Variants in SLC39A11 observed in about 807,000 individuals in gnomAD.
SLC39A11 encodes the protein solute carrier family 39 member 11.
A neutral mutation model predicts 36.1 loss-of-function variants in SLC39A11; 33 were observed. The observed-to-expected ratio is 0.91, with a 90% CI of 0.69 to 1.22. The LOEUF (loss-of-function observed/expected upper bound fraction) is 1.22. SLC39A11 is among the 50% of genes most tolerant of loss of function. The probability of loss-of-function intolerance (pLI) is 0.00; values close to 1 mark genes in which losing one functional copy is unlikely to be tolerated. For missense variants in SLC39A11, 432 were observed against 430.3 expected (o/e 1.00, Z -0.03); for synonymous variants, 166 against 170.3 (o/e 0.97, Z 0.20).
At chr17:72,665,577 G>A (rs1290934924) in intron 7 of SLC39A11, among the ~76,000 whole-genome samples, 2 of 151,438 alleles carry the variant, frequency 1.3e-5, no homozygotes, top group Non-Finnish European at 2.9e-5. Flanking sequence ...TATAGAGATG[G>A]GGGTCTCACT....
chr17:72,923,626 C>T (rs1350501028), intron 5 of SLC39A11, among the ~76,000 whole-genome samples: 2 of 152,110 alleles, frequency 1.3e-5, no homozygotes, highest in African/African-American at 4.8e-5. Context: ...GCAGGAGTTG[C>T]AATGAACGAA....
rs557269105 is a variant in SLC39A11, at chr17:72,983,253, G to A, written c.307-35378C>T. On this transcript the variant is annotated intron_variant, in intron 4 of 9. Transcript: ENST00000255559. Reference sequence around the variant, plus strand: ...CAGCCTCCACCTCCCAGGTTCAAGCGATTCTCCTGTCTCAGCCTCCTGAGG... The same window carrying A: ...CAGCCTCCACCTCCCAGGTTCAAGCAATTCTCCTGTCTCAGCCTCCTGAGG... Among the ~76,000 whole-genome samples the A allele has an allele frequency of 7.2e-5, 11 of 152,074 alleles. No homozygotes were observed. In the South Asian group the frequency reaches 8.3e-4, roughly 12 times the overall value.
intron 5 of SLC39A11, among the ~76,000 whole-genome samples, chr17:72,896,914 G>A (rs1290519953): frequency 1.3e-5 from 2 of 151,678 alleles, no homozygotes; most frequent in Admixed American, 6.6e-5. Flanking sequence ...TTAGCTGGGC[G>A]TGGTGGCGGG....
At chr17:72,877,043 G>A (rs1271584521) in intron 5 of SLC39A11, among the ~76,000 whole-genome samples, 1 of 152,162 alleles carries the variant, frequency 6.6e-6, no homozygotes, top group African/African-American at 2.4e-5. Flanking sequence ...AATGCATAAT[G>A]TAGGTTAGTG....
In SLC39A11 at chr17:72,982,812, CAAATG is replaced by C. The variant is rs1329329766; in HGVS notation, c.307-34942_307-34938del. The stretch of plus-strand genomic sequence containing the variant: ...AAAATTACATAACATTTGATGAAAT[CAAATG>C]ATGGCAGCAAGTGCAGCTAAAATAA... On this transcript the variant is annotated intron_variant, in intron 4 of 9. Transcript: ENST00000255559. 6.8e-4 allele frequency among the ~76,000 whole-genome samples: 103 copies of C among 151,892 alleles called. 1 individual carries two copies. The highest frequency in any genetic ancestry group is 6.6e-3 in the Admixed American group (100 of 15,252).
At chr17:72,911,575 C>G (rs2083001664) in intron 5 of SLC39A11, among the ~76,000 whole-genome samples, 1 of 152,072 alleles carries the variant, frequency 6.6e-6, no homozygotes, top group African/African-American at 2.4e-5. Context: ...TTCCGCTCGC[C>G]CAGGCAATCT....
chr17:72,679,641 G>A (rs1047077158), intron 7 of SLC39A11, among the ~76,000 whole-genome samples: 2 of 152,230 alleles, frequency 1.3e-5, no homozygotes, highest in African/African-American at 4.8e-5. Context: ...GCCAACGTGT[G>A]TAGAGACATG....
At chr17:73,069,165 C>G (rs1039180015) in intron 3 of SLC39A11, among the ~76,000 whole-genome samples, 2 of 152,180 alleles carry the variant, frequency 1.3e-5, no homozygotes, top group Non-Finnish European at 2.9e-5. Context: ...CAAAACTCAA[C>G]CTATCCCTCC....
At chr17:72,672,459 A>T (rs997441522) in intron 7 of SLC39A11, among the ~76,000 whole-genome samples, 1 of 152,190 alleles carries the variant, frequency 6.6e-6, no homozygotes, top group Non-Finnish European at 1.5e-5. Context: ...AAAAATAAAA[A>T]CATAAAAAAC....
chr17:72,905,830 T>C (rs1190366646), intron 5 of SLC39A11, among the ~76,000 whole-genome samples: 1 of 151,922 alleles, frequency 6.6e-6, no homozygotes, highest in African/African-American at 2.4e-5. Context: ...CTCAGCTCAC[T>C]GCAAGCTCCG....
intron 5 of SLC39A11, among the ~76,000 whole-genome samples, chr17:72,910,258 T>A (rs1180111781): frequency 6.6e-6 from 1 of 152,162 alleles, no homozygotes; most frequent in Non-Finnish European, 1.5e-5. Context: ...GAGTATCACA[T>A]GATATACTCA....
intron 6 of SLC39A11, among the ~76,000 whole-genome samples, chr17:72,835,334 C>G (rs985895993): frequency 1.3e-5 from 2 of 152,166 alleles, no homozygotes; most frequent in African/African-American, 4.8e-5. Flanking sequence ...ACAACCAGAA[C>G]CAGACAATTT....
intron 5 of SLC39A11, among the ~76,000 whole-genome samples, chr17:72,864,603 T>C (rs975383896): frequency 2.0e-5 from 3 of 152,218 alleles, no homozygotes; most frequent in African/African-American, 7.2e-5. Context: ...TCCTAGCCAC[T>C]ATTTCTCCAT....
chr17:72,989,009 G>A (rs1326151908), intron 4 of SLC39A11, among the ~76,000 whole-genome samples: 1 of 152,090 alleles, frequency 6.6e-6, no homozygotes, highest in Non-Finnish European at 1.5e-5. Flanking sequence ...TCAGGAGTTC[G>A]AGACCAGCCT....
At chr17:72,754,039 TATATATACACATACACACACACACAC>T (rs1244409314) in intron 6 of SLC39A11, among the ~76,000 whole-genome samples, 25 of 109,736 alleles carry the variant, frequency 2.3e-4, no homozygotes, top group Non-Finnish European at 4.1e-4. Flanking sequence ...TATATATATA[TATATATACACATACACACACACACAC>T]ACACACACAC....
chr17:72,766,750 T>C (rs572700459), intron 6 of SLC39A11, among the ~76,000 whole-genome samples: 18 of 152,338 alleles, frequency 1.2e-4, no homozygotes, highest in African/African-American at 3.1e-4. Flanking sequence ...AGCAGGAGCA[T>C]TGCCATCTTG....
intron 5 of SLC39A11, among the ~76,000 whole-genome samples, chr17:72,881,772 A>T (rs2081204942): frequency 6.6e-6 from 1 of 152,250 alleles, no homozygotes; most frequent in Non-Finnish European, 1.5e-5. Flanking sequence ...CCAATTTATA[A>T]AATCTGCTGT....
chr17:72,883,181 G>T (rs1307246341), intron 5 of SLC39A11, among the ~76,000 whole-genome samples: 1 of 152,154 alleles, frequency 6.6e-6, no homozygotes, highest in Non-Finnish European at 1.5e-5. Flanking sequence ...CATAAGCATG[G>T]GCGCATGTGA....
chr17:72,806,436 T>C (rs546129595), intron 6 of SLC39A11, among the ~76,000 whole-genome samples: 1 of 152,330 alleles, frequency 6.6e-6, no homozygotes, highest in South Asian at 2.1e-4. Context: ...TTTCCCCCTT[T>C]CTGGAAGCTC....
Sources: gnomAD v4.1 joint callset for allele counts (sites outside exome capture counted in the v4.1 genomes callset) on GRCh38, gnomAD v4.1.1 for gene constraint, MANE v1.5 for transcripts, NCBI Gene and HGNC (gene_info 2026-07-23, HGNC 2026-07-21) for gene names.